ZBTB20: variants seen among roughly 807,000 people sequenced by gnomAD.
The protein encoded by ZBTB20 is zinc finger and BTB domain containing 20.
Under a neutral mutation model 56.9 loss-of-function variants are expected in ZBTB20, and 9 were observed. The ratio of observed to expected loss-of-function variants is 0.16; its 90% CI spans 0.10 to 0.28. The LOEUF (loss-of-function observed/expected upper bound fraction) is 0.28, where lower values mean the gene tolerates loss of function less well. ZBTB20 is among the 10% of genes least tolerant of loss of function. The probability of loss-of-function intolerance (pLI) is 1.00; values close to 1 mark genes in which losing one functional copy is unlikely to be tolerated. For synonymous variants in ZBTB20, 417 were observed against 420.7 expected, an observed-to-expected ratio of 0.99 and a Z score of 0.11; for missense variants, 655 against 1,003.0, an observed-to-expected ratio of 0.65 and a Z score of 4.69.
At chr3:114,501,989 T>C (rs2044044361) in intron 6 of ZBTB20, among the ~76,000 whole-genome samples, 1 of 152,082 alleles carries the variant, frequency 6.6e-6, no homozygotes, top group Non-Finnish European at 1.5e-5. Context: ...ATTACAAGTG[T>C]GAGCCACCGT....
At chr3:114,815,993 A>G (rs1293907215) in intron 4 of ZBTB20, among the ~76,000 whole-genome samples, 1 of 152,204 alleles carries the variant, frequency 6.6e-6, no homozygotes, top group African/African-American at 2.4e-5. Flanking sequence ...ATAAAGGTAA[A>G]GTGCCATAAA....
At chr3:114,974,281 T>A (rs2078009967) in intron 3 of ZBTB20, 85 bp downstream of exon 3, 1 of 151,984 alleles carries the variant, frequency 6.6e-6, no homozygotes, top group Non-Finnish European at 1.5e-5. Flanking sequence ...AAAAGAAAAG[T>A]TGAGGTAGCA....
In ZBTB20 at chr3:114,546,574, T is replaced by A. The variant is rs1372453732; in HGVS notation, c.-294-46183A>T. On this transcript the variant is annotated intron_variant, in intron 6 of 11. Coordinates refer to ENST00000675478, the MANE Select transcript of ZBTB20 (RefSeq NM_001348800.3). ...AACATACACCTTTTTTTTTTTTTTT[T>A]AATCCAGACTGGAGAATTCAAATGC... Among the ~76,000 whole-genome samples, 53 of 137,548 alleles carry A rather than the reference T, an allele frequency of 3.9e-4. 1 individual carries two copies. Among genetic ancestry groups the A allele is most frequent in the Middle Eastern group, 7.5e-3 (2 of 266 alleles). The allele number at this position is 137,548 out of a possible 152,430, so 90.2% of individuals were successfully genotyped here.
intron 7 of ZBTB20, among the ~76,000 whole-genome samples, chr3:114,397,975 A>G (rs985807577): frequency 1.3e-5 from 2 of 152,136 alleles, no homozygotes; most frequent in Admixed American, 6.6e-5. Flanking sequence ...TTAATACTCC[A>G]CATGGTCTAA....
intron 7 of ZBTB20, among the ~76,000 whole-genome samples, chr3:114,426,787 A>AC (rs1372446407): frequency 1.3e-5 from 2 of 152,000 alleles, no homozygotes; most frequent in Non-Finnish European, 2.9e-5. Flanking sequence ...GAACCACTCC[A>AC]CCCACCTTTC....
intron 7 of ZBTB20, among the ~76,000 whole-genome samples, chr3:114,462,167 G>T (rs1025502452): frequency 2.0e-5 from 3 of 152,142 alleles, no homozygotes; most frequent in African/African-American, 7.2e-5. Context: ...AAGTATCCTA[G>T]GACCACATTG....
chr3:114,408,756 C>A (rs1471941308), intron 7 of ZBTB20, among the ~76,000 whole-genome samples: 2 of 148,218 alleles, frequency 1.3e-5, no homozygotes, highest in African/African-American at 5.1e-5. Flanking sequence ...AAAAACAAAG[C>A]ACATTTATAT....
intron 10 of ZBTB20, among the ~76,000 whole-genome samples, chr3:114,375,510 A>G: frequency 6.6e-6 from 1 of 152,358 alleles, no homozygotes; most frequent in Middle Eastern, 3.4e-3. Flanking sequence ...ATAGAGTAAA[A>G]TAACTTTTTA....
intron 2 of ZBTB20, among the ~76,000 whole-genome samples, chr3:114,994,899 C>T (rs1026618588): frequency 4.6e-5 from 7 of 151,876 alleles, no homozygotes; most frequent in African/African-American, 9.7e-5. Context: ...AATATTGCTA[C>T]GTTTCTCTTA....
intron 2 of ZBTB20, among the ~76,000 whole-genome samples, chr3:115,007,281 T>C (rs556139534): frequency 1.3e-5 from 2 of 151,760 alleles, no homozygotes; most frequent in South Asian, 4.2e-4. Flanking sequence ...CTATATATTT[T>C]ATCACTTAAT....
intron 7 of ZBTB20, among the ~76,000 whole-genome samples, chr3:114,484,274 C>T (rs146602186): frequency 6.6e-6 from 1 of 152,110 alleles, no homozygotes; most frequent in Non-Finnish European, 1.5e-5. Context: ...TCAACACTGT[C>T]GGATTTTTAA....
intron 6 of ZBTB20, among the ~76,000 whole-genome samples, chr3:114,596,347 T>C (rs2107599065): frequency 6.6e-6 from 1 of 152,312 alleles, no homozygotes; most frequent in South Asian, 2.1e-4. Context: ...CACAATGATG[T>C]CATTTACTTC....
intron 4 of ZBTB20, among the ~76,000 whole-genome samples, chr3:114,820,182 G>C (rs2073158661): frequency 6.6e-6 from 1 of 151,862 alleles, no homozygotes; most frequent in Non-Finnish European, 1.5e-5. Context: ...ATGATCCTCA[G>C]AGTAGGAGAA....
rs551940459 is a variant in ZBTB20 at position 114,775,149 on chromosome 3, CT to C, written c.-343+25951del. ...CATGGCTGTACTGATTCATAAGTAA[CT>C]TTTTTTTTTTCCTCAGTAAAATGCC... On this transcript the variant is annotated intron_variant, in intron 5 of 11. Transcript: ENST00000675478. Among the ~76,000 whole-genome samples, 608 of 149,194 alleles carry C rather than the reference CT, an allele frequency of 4.1e-3. 2 individuals are homozygous for C. The highest frequency in any genetic ancestry group is 0.014 in the African/African-American group (564 of 40,810).
At position 114,592,721 on chromosome 3, in the gene ZBTB20, T is replaced by C. The variant is rs187622537; in HGVS notation, c.-294-92330A>G. Among the ~76,000 whole-genome samples, 1,125 of 152,358 alleles carry C rather than the reference T, an allele frequency of 7.4e-3. 7 individuals carry two copies. Among genetic ancestry groups the C allele is most frequent in the Non-Finnish European group, 0.012 (834 of 68,028 alleles). On this transcript the variant is annotated intron_variant, in intron 6 of 11. Transcript: ENST00000675478. Reference sequence around the variant, plus strand: ...ATAAGTGGCTTATCTATTAAGTTTATAGAGAACCTTCCACTAAAGAGATTA... The same window carrying C: ...ATAAGTGGCTTATCTATTAAGTTTACAGAGAACCTTCCACTAAAGAGATTA...
intron 4 of ZBTB20, among the ~76,000 whole-genome samples, chr3:114,821,758 G>A (rs1238367821): frequency 6.6e-6 from 1 of 152,038 alleles, no homozygotes; most frequent in East Asian, 1.9e-4. Flanking sequence ...TAGCTGATGG[G>A]TTACCTGGAA....
At chr3:115,063,103 C>T (rs1475538073) in intron 2 of ZBTB20, among the ~76,000 whole-genome samples, 1 of 152,148 alleles carries the variant, frequency 6.6e-6, no homozygotes, top group African/African-American at 2.4e-5. Context: ...ATCATTCAAA[C>T]AGCATGCGAA....
intron 2 of ZBTB20, among the ~76,000 whole-genome samples, chr3:114,990,815 C>T (rs1180232602): frequency 6.6e-6 from 1 of 152,128 alleles, no homozygotes; most frequent in Non-Finnish European, 1.5e-5. Flanking sequence ...GATTTAACTT[C>T]TTCCTAGTTT....
chr3:114,651,311 G>C (rs568850117), intron 6 of ZBTB20, among the ~76,000 whole-genome samples: 71 of 152,018 alleles, frequency 4.7e-4, no homozygotes, highest in Non-Finnish European at 7.5e-4. Context: ...TGGCACTTAA[G>C]AAAGCTAAAA....
Sources: gnomAD v4.1 joint callset for allele counts (sites outside exome capture counted in the v4.1 genomes callset) on GRCh38, gnomAD v4.1.1 for gene constraint, MANE v1.5 for transcripts, NCBI Gene and HGNC (gene_info 2026-07-23, HGNC 2026-07-21) for gene names.